The following LRMDA variants were observed in gnomAD, a reference collection of about 807,000 sequenced individuals.
LRMDA encodes leucine-rich melanocyte differentiation-associated protein.
LRMDA carries 18 observed loss-of-function variants against 29.8 expected under a neutral mutation model. The ratio of observed to expected loss-of-function variants is 0.60; its 90% CI spans 0.42 to 0.90. The LOEUF is 0.90. LRMDA is among the 40% of genes least tolerant of loss of function. The probability of loss-of-function intolerance (pLI) is 0.00; values close to 1 mark genes in which losing one functional copy is unlikely to be tolerated. For synonymous variants in LRMDA, 125 were observed against 109.4 expected, an observed-to-expected ratio of 1.14 and a Z score of -0.89; for missense variants, 273 against 273.9, an observed-to-expected ratio of 1.00 and a Z score of 0.02.
chr10:75,894,230 T>G (rs1393997319), intron 2 of LRMDA, among the ~76,000 whole-genome samples: 3 of 151,958 alleles, frequency 2.0e-5, no homozygotes, highest in Non-Finnish European at 4.4e-5. Context: ...TTCTTATGCC[T>G]TTGTGTCATC....
chr10:76,449,789 C>G (rs1589192335), intron 6 of LRMDA, among the ~76,000 whole-genome samples: 1 of 151,928 alleles, frequency 6.6e-6, no homozygotes, highest in East Asian at 1.9e-4. Flanking sequence ...GTACCAGTTT[C>G]TAATGAGAAA....
intron 6 of LRMDA, among the ~76,000 whole-genome samples, chr10:76,476,952 TG>T (rs1842680230): frequency 6.6e-6 from 1 of 152,116 alleles, no homozygotes; most frequent in African/African-American, 2.4e-5. Context: ...TCATACTGAA[TG>T]GGCAAAAACT....
chr10:75,504,444 T>A (rs1262438273), intron 2 of LRMDA, among the ~76,000 whole-genome samples: 1 of 152,120 alleles, frequency 6.6e-6, no homozygotes, highest in Non-Finnish European at 1.5e-5. Flanking sequence ...ATGAATCAAC[T>A]AAATGTAAAA....
chr10:76,000,774 G>A (rs1208906307), intron 2 of LRMDA, among the ~76,000 whole-genome samples: 7 of 152,104 alleles, frequency 4.6e-5, no homozygotes, highest in African/African-American at 1.2e-4. Flanking sequence ...GGGCCCCTCC[G>A]TGCCCTGCAT....
At chr10:76,553,851 C>G (rs915753618) in intron 6 of LRMDA, among the ~76,000 whole-genome samples, 6 of 152,184 alleles carry the variant, frequency 3.9e-5, no homozygotes, top group African/African-American at 1.4e-4. Flanking sequence ...TCTCCCCGGG[C>G]GAGCACCAGC....
At chr10:75,881,001 G>A (rs1224133659) in intron 2 of LRMDA, among the ~76,000 whole-genome samples, 1 of 152,140 alleles carries the variant, frequency 6.6e-6, no homozygotes, top group Non-Finnish European at 1.5e-5. Context: ...TCTTGAAGAT[G>A]TTCTTACCTG....
chr10:76,216,106 C>G (rs1043984545), intron 5 of LRMDA, among the ~76,000 whole-genome samples: 3 of 152,208 alleles, frequency 2.0e-5, no homozygotes, highest in Non-Finnish European at 4.4e-5. Flanking sequence ...TTTATCCCAA[C>G]ATTTTGGGAG....
At chr10:75,991,257 A>G (rs530725443) in intron 2 of LRMDA, among the ~76,000 whole-genome samples, 12 of 152,294 alleles carry the variant, frequency 7.9e-5, no homozygotes, top group African/African-American at 2.6e-4. Flanking sequence ...GGAATATAGA[A>G]TGGGTATGAA....
intron 2 of LRMDA, among the ~76,000 whole-genome samples, chr10:75,645,203 G>T (rs149947422): frequency 6.6e-6 from 1 of 152,128 alleles, no homozygotes; most frequent in Admixed American, 6.5e-5. Flanking sequence ...GGCTGGTCTT[G>T]AACTCCTGAG....
chr10:75,880,276 T>C (rs982724434), intron 2 of LRMDA, among the ~76,000 whole-genome samples: 4 of 152,140 alleles, frequency 2.6e-5, no homozygotes, highest in African/African-American at 9.7e-5. Flanking sequence ...GATGATATCA[T>C]CTAGGAAGAA....
At chr10:76,135,084 G>A (rs2132141850) in intron 5 of LRMDA, among the ~76,000 whole-genome samples, 1 of 152,322 alleles carries the variant, frequency 6.6e-6, no homozygotes, top group South Asian at 2.1e-4. Flanking sequence ...TGAGATAACA[G>A]TGACAGGTAA....
chr10:75,639,531 T>C (rs1477747962), intron 2 of LRMDA, among the ~76,000 whole-genome samples: 1 of 152,170 alleles, frequency 6.6e-6, no homozygotes, highest in Non-Finnish European at 1.5e-5. Context: ...CTTAGACATG[T>C]TGAGTGCTCC....
At chr10:76,196,506 C>T (rs1399004617) in intron 5 of LRMDA, among the ~76,000 whole-genome samples, 1 of 152,226 alleles carries the variant, frequency 6.6e-6, no homozygotes, top group African/African-American at 2.4e-5. Context: ...GCTCCTTCTG[C>T]AGTGATCTCT....
At chr10:75,605,969 T>C (rs973263365) in intron 2 of LRMDA, among the ~76,000 whole-genome samples, 13 of 152,190 alleles carry the variant, frequency 8.5e-5, no homozygotes, top group Admixed American at 8.5e-4. Flanking sequence ...ATGCTCTTCC[T>C]ACCTTGGGCT....
intron 2 of LRMDA, among the ~76,000 whole-genome samples, chr10:75,587,622 G>A (rs997004216): frequency 2.6e-5 from 4 of 152,180 alleles, no homozygotes; most frequent in African/African-American, 7.2e-5. Flanking sequence ...GGGTTGCTGC[G>A]ACTATGGCAG....
At chr10:76,011,348 A>C (rs1047398697) in intron 2 of LRMDA, among the ~76,000 whole-genome samples, 3 of 152,086 alleles carry the variant, frequency 2.0e-5, no homozygotes. Context: ...GAATGAGGAG[A>C]GGGGCCACTT....
intron 2 of LRMDA, among the ~76,000 whole-genome samples, chr10:75,741,015 G>A (rs369305082): frequency 6.6e-6 from 1 of 152,146 alleles, no homozygotes; most frequent in East Asian, 1.9e-4. Context: ...AGTTTGTGGG[G>A]TGGGGATGGT....
At chr10:75,880,072 A>T (rs1399685132) in intron 2 of LRMDA, among the ~76,000 whole-genome samples, 1 of 152,200 alleles carries the variant, frequency 6.6e-6, no homozygotes, top group Non-Finnish European at 1.5e-5. Context: ...TAAAAAAATC[A>T]TTGCTGTTTG....
intron 6 of LRMDA, among the ~76,000 whole-genome samples, chr10:76,404,626 GCT>G (rs1841884054): frequency 6.6e-6 from 1 of 152,152 alleles, no homozygotes; most frequent in South Asian, 2.1e-4. Flanking sequence ...CAGCCTGGAT[GCT>G]CTTTCCTGGG....
Sources: gnomAD v4.1 joint callset for allele counts (sites outside exome capture counted in the v4.1 genomes callset) on GRCh38, gnomAD v4.1.1 for gene constraint, MANE v1.5 for transcripts, NCBI Gene and HGNC (gene_info 2026-07-23, HGNC 2026-07-21) for gene names.